The following ACACA variants were observed in gnomAD, a reference collection of about 807,000 sequenced individuals.
The protein encoded by ACACA is acetyl-CoA carboxylase 1.
A neutral mutation model predicts 296.1 loss-of-function variants in ACACA; 103 were observed. The observed-to-expected ratio is 0.35, with a 90% CI of 0.30 to 0.41. ACACA has a LOEUF of 0.41. ACACA is among the 10% of genes least tolerant of loss of function. The probability of loss-of-function intolerance (pLI) is 1.00; values close to 1 mark genes in which losing one functional copy is unlikely to be tolerated. For missense variants in ACACA, 1,554 were observed against 2,989.7 expected, an observed-to-expected ratio of 0.52 and a Z score of 11.20; for synonymous variants, 953 against 1,038.6, an observed-to-expected ratio of 0.92 and a Z score of 1.58.
chr17:37,329,079 G>C, intron 3 of ACACA: 1 of 396,984 alleles, frequency 2.5e-6, no homozygotes. Context: ...ACTATGTACT[G>C]ACATTCTCAG....
chr17:37,291,300 C>T (rs1886538702), intron 3 of ACACA, among the ~76,000 whole-genome samples: 1 of 151,832 alleles, frequency 6.6e-6, no homozygotes, highest in African/African-American at 2.4e-5. Context: ...CTCAGCCTTC[C>T]CGAGTAGCTG....
At chr17:37,145,577 G>A (rs576580430) in intron 45 of ACACA, among the ~76,000 whole-genome samples, 3 of 152,330 alleles carry the variant, frequency 2.0e-5, no homozygotes, top group South Asian at 4.1e-4. Context: ...AGAGGCCTGA[G>A]CTTTCTTCAG....
chr17:37,243,632 A>C, intron 21 of ACACA, 73 bp from the exon 22 acceptor site: 2 of 1,511,758 alleles, frequency 1.3e-6, no homozygotes, highest in Non-Finnish European at 1.8e-6. Context: ...TATAGTTGTC[A>C]TTCTGTATAC....
Position 37,274,645 on chromosome 17 carries a change from G to C in ACACA, c.902-346C>G, listed in dbSNP as rs752058324. The C allele has an allele frequency of 8.0e-4, 784 of 985,264 alleles. 2 individuals carry two copies. The highest frequency in any genetic ancestry group is 9.0e-4 in the Non-Finnish European group (744 of 829,896). 61.0% of individuals were successfully genotyped at this position (985,264 alleles called of 1,614,324 possible). The stretch of plus-strand genomic sequence containing the variant: ...ACCTTCAAACTGTGTGTTCAGGCCT[G>C]CTCCAGGGCCAAGAGGTCTGGGAAA... On this transcript the variant is annotated intron_variant, in intron 8 of 55. Transcript: ENST00000616317.
intron 2 of ACACA, among the ~76,000 whole-genome samples, chr17:37,335,913 C>T (rs758687632): frequency 2.0e-5 from 3 of 152,076 alleles, no homozygotes; most frequent in South Asian, 2.1e-4. Context: ...GAATCATCAC[C>T]GAGAAAGTTA....
At chr17:37,384,332 A>G (rs2050434299) in intron 1 of ACACA, among the ~76,000 whole-genome samples, 1 of 152,278 alleles carries the variant, frequency 6.6e-6, no homozygotes, top group Non-Finnish European at 1.5e-5. Context: ...GTTATTATTT[A>G]AGAAATTTGG....
rs143104524 is a variant in ACACA, at chr17:37,131,994, C to A, written c.5680-1776G>T. Reference sequence around the variant, plus strand: ...GTCTTTAATCTCAGCCCAGGCACTGCGGCTCTTTTCTCATTCTCCTGCTGT... The same window carrying A: ...GTCTTTAATCTCAGCCCAGGCACTGAGGCTCTTTTCTCATTCTCCTGCTGT... On this transcript the variant is annotated intron_variant, in intron 45 of 55. Transcript: ENST00000616317. 1.5e-4 allele frequency among the ~76,000 whole-genome samples: 23 copies of A among 152,296 alleles called. No individual in the cohort carries two copies. The East Asian group carries it at 4.4e-3, about 29-fold the overall frequency.
intron 29 of ACACA, among the ~76,000 whole-genome samples, chr17:37,214,473 C>T (rs1234426426): frequency 6.6e-6 from 1 of 152,188 alleles, no homozygotes; most frequent in Non-Finnish European, 1.5e-5. Context: ...CTGTTGCCTG[C>T]TATATAATTA....
At chr17:37,220,910 C>T (rs1045865129) in intron 29 of ACACA, among the ~76,000 whole-genome samples, 5 of 151,982 alleles carry the variant, frequency 3.3e-5, no homozygotes, top group African/African-American at 9.7e-5. Flanking sequence ...GAACCAAAGG[C>T]CATAAAGAAG....
At chr17:37,206,446 C>T (rs2078505061) in intron 32 of ACACA, among the ~76,000 whole-genome samples, 1 of 152,014 alleles carries the variant, frequency 6.6e-6, no homozygotes, top group South Asian at 2.1e-4. Context: ...ATGATTGCAC[C>T]ACTATGCAAA....
At chr17:37,101,524 G>T (rs1172276775) in intron 52 of ACACA, among the ~76,000 whole-genome samples, 1 of 152,176 alleles carries the variant, frequency 6.6e-6, no homozygotes, top group East Asian at 1.9e-4. Flanking sequence ...CACAAAGCTA[G>T]CAAGTGACAG....
Position 37,243,288 on chromosome 17 carries a change from G to A in ACACA, c.2931+83C>T, listed in dbSNP as rs890574596. The stretch of plus-strand genomic sequence containing the variant: ...ACAAGCACAACATCCAAAAAGTAAG[G>A]AGGATCCAAATAGGAAGGAATCCTA... On this transcript the variant is annotated intron_variant, in intron 22 of 55. Transcript: ENST00000616317. The A allele has an allele frequency of 2.1e-5, 30 of 1,403,460 alleles. No homozygotes were observed. In the Admixed American group the frequency reaches 2.7e-4, roughly 13 times the overall value. 86.9% of individuals were successfully genotyped at this position (1,403,460 alleles called of 1,614,324 possible). A position where few individuals can be genotyped will look rare whatever the true frequency, so the allele number is the denominator to read the frequency against.
At chr17:37,331,058 G>A (rs939985612) in intron 2 of ACACA, among the ~76,000 whole-genome samples, 4 of 151,852 alleles carry the variant, frequency 2.6e-5, no homozygotes, top group African/African-American at 4.8e-5. Flanking sequence ...CTATAGGCAC[G>A]TGCCACCATG....
chr17:37,274,642 C>T (rs2082199610), intron 8 of ACACA: 1 of 985,262 alleles, frequency 1.0e-6, no homozygotes, highest in African/African-American at 1.7e-5. Context: ...TGTGTTCAGG[C>T]CTGCTCCAGG....
chr17:37,096,296 C>T (rs2072988161), intron 54 of ACACA, among the ~76,000 whole-genome samples: 1 of 152,176 alleles, frequency 6.6e-6, no homozygotes, highest in Non-Finnish European at 1.5e-5. Context: ...TTACATGGCC[C>T]TGTGTGATCA....
intron 39 of ACACA, among the ~76,000 whole-genome samples, chr17:37,181,678 T>A (rs2077323939): frequency 6.6e-6 from 1 of 151,816 alleles, no homozygotes; most frequent in Admixed American, 6.6e-5. Context: ...GGCGGGAGGA[T>A]CATGAGGTCA....
chr17:37,095,106 C>T (rs189874749), intron 54 of ACACA, among the ~76,000 whole-genome samples: 1 of 152,348 alleles, frequency 6.6e-6, no homozygotes, highest in East Asian at 1.9e-4. Flanking sequence ...ACTTCCTTCT[C>T]ATCCTTGTGC....
chr17:37,111,573 G>A lies in ACACA; in HGVS notation c.6523C>T (p.Arg2175Cys), dbSNP rs781662105. ...TGGATGTAGACTGGGTCCACCCGACGCATGGTTTTCACCAGATCCTTTCTG... is the reference window on the plus strand; with the variant it reads ...TGGATGTAGACTGGGTCCACCCGACACATGGTTTTCACCAGATCCTTTCTG... ...FRRKDLVKTM[R>C]RVDPVYIHLA... The change falls in exon 52 of 56, where the codon CGT (arginine) becomes TGT (cysteine). Residue 2175 changes from arginine (R) to cysteine (C), a missense_variant. Arg to Cys is a radical substitution (Grantham distance 180). Transcript: ENST00000616317. The A allele has an allele frequency of 7.4e-6, 12 of 1,613,984 alleles. 1 individual carries two copies. Among genetic ancestry groups the A allele is most frequent in the African/African-American group, 2.7e-5 (2 of 74,912 alleles).
chr17:37,140,393 T>TATTA (rs1281201285), intron 45 of ACACA, among the ~76,000 whole-genome samples: 8 of 152,154 alleles, frequency 5.3e-5, no homozygotes, highest in Non-Finnish European at 1.0e-4. Context: ...AATACCCTAA[T>TATTA]ACGCAATAAC....
Sources: allele counts gnomAD v4.1 joint callset (sites outside exome capture counted in the v4.1 genomes callset), GRCh38; gene constraint gnomAD v4.1.1; transcripts MANE v1.5; gene names NCBI Gene and HGNC (gene_info 2026-07-23, HGNC 2026-07-21).